CCDC149: variants seen among roughly 807,000 people sequenced by gnomAD.
CCDC149 encodes the protein coiled-coil domain-containing protein 149.
Under a neutral mutation model 59.9 loss-of-function variants are expected in CCDC149, and 45 were observed. The ratio of observed to expected loss-of-function variants is 0.75; its 90% CI spans 0.59 to 0.96. The LOEUF is 0.96. CCDC149 is among the 40% of genes least tolerant of loss of function. CCDC149 has a pLI of 0.00. For synonymous variants in CCDC149, 245 were observed against 260.6 expected (o/e 0.94, Z 0.58); for missense variants, 584 against 664.7 (o/e 0.88, Z 1.33).
upstream of CCDC149, among the ~76,000 whole-genome samples, chr4:24,915,738 G>T (rs918442137): frequency 6.6e-6 from 1 of 152,202 alleles, no homozygotes; most frequent in Non-Finnish European, 1.5e-5. Flanking sequence ...CATGCCCCAA[G>T]TGCCAGCTCA....
chr4:24,968,134 G>T (rs1017641321), intron 1 of CCDC149, among the ~76,000 whole-genome samples: 1 of 152,230 alleles, frequency 6.6e-6, no homozygotes, highest in African/African-American at 2.4e-5. Flanking sequence ...TCGTTGACCA[G>T]GGGCTCCCAT....
At chr4:24,824,111 C>G (rs960426301) in intron 9 of CCDC149, among the ~76,000 whole-genome samples, 1 of 152,172 alleles carries the variant, frequency 6.6e-6, no homozygotes, top group Non-Finnish European at 1.5e-5. Context: ...TTAACTCTTC[C>G]GTGGAGGTGG....
chr4:24,820,705 T>G (rs1019528901), intron 11 of CCDC149, among the ~76,000 whole-genome samples: 1 of 152,158 alleles, frequency 6.6e-6, no homozygotes, highest in African/African-American at 2.4e-5. Context: ...TGATTCTTCA[T>G]CATAACATCC....
intron 1 of CCDC149, among the ~76,000 whole-genome samples, chr4:24,955,696 T>C (rs562307859): frequency 1.3e-5 from 2 of 152,230 alleles, no homozygotes; most frequent in South Asian, 2.1e-4. Flanking sequence ...AGACAGAAAG[T>C]AGAAGGGTGG....
chr4:24,851,159 T>C (rs1029672916), intron 4 of CCDC149, among the ~76,000 whole-genome samples: 5 of 152,226 alleles, frequency 3.3e-5, no homozygotes, highest in South Asian at 2.1e-4. Flanking sequence ...TCAGAGAGCA[T>C]GCAGATCAGA....
chr4:24,969,860 G>T (rs187830069), intron 1 of CCDC149, among the ~76,000 whole-genome samples: 2 of 152,346 alleles, frequency 1.3e-5, no homozygotes, highest in African/African-American at 4.8e-5. Context: ...CCTTGGGGGA[G>T]GGCCTACAGT....
rs879714006 is a variant in CCDC149, at chr4:24,906,364, A to AATTTTATTTTATTTTT, written c.63+6452_63+6453insAAAAATAAAATAAAAT. On this transcript the variant is annotated intron_variant, in intron 1 of 12. Transcript: ENST00000635206. ...AGAGTAACTCAGGGGCAGCGGAACA[A>AATTTTATTTTATTTTT]ATTTTATTTTATTTTATTTTATTTT... Among the ~76,000 whole-genome samples the AATTTTATTTTATTTTT allele has an allele frequency of 7.1e-5, 3 of 42,028 alleles. 1 individual carries two copies. Among genetic ancestry groups the AATTTTATTTTATTTTT allele is most frequent in the African/African-American group, 2.7e-4 (3 of 10,970 alleles). 27.6% of individuals were successfully genotyped at this position (42,028 alleles called of 152,430 possible). A position where few individuals can be genotyped will look rare whatever the true frequency, so the allele number is the denominator to read the frequency against.
chr4:24,935,702 T>C (rs151247932), intron 1 of CCDC149, among the ~76,000 whole-genome samples: 1 of 152,250 alleles, frequency 6.6e-6, no homozygotes, highest in East Asian at 1.9e-4. Context: ...TCCCCAGAAC[T>C]GTGAGAAATA....
intron 3 of CCDC149, among the ~76,000 whole-genome samples, chr4:24,854,635 T>G (rs1717888748): frequency 6.6e-6 from 1 of 152,192 alleles, no homozygotes; most frequent in Admixed American, 6.5e-5. Flanking sequence ...GCTAATACTT[T>G]GGGGAATATG....
intron 1 of CCDC149, among the ~76,000 whole-genome samples, chr4:24,972,386 C>T (rs563177678): frequency 6.6e-6 from 1 of 151,806 alleles, no homozygotes; most frequent in Admixed American, 6.6e-5. Context: ...CAGCTCACTG[C>T]AGCCTCAACC....
intron 4 of CCDC149, among the ~76,000 whole-genome samples, chr4:24,842,770 C>T (rs1717017364): frequency 6.6e-6 from 1 of 152,184 alleles, no homozygotes; most frequent in East Asian, 1.9e-4. Context: ...CCAGGCCTCC[C>T]AAGTCAGAAT....
intron 1 of CCDC149, among the ~76,000 whole-genome samples, chr4:24,948,252 G>A (rs1312758096): frequency 6.6e-6 from 1 of 152,206 alleles, no homozygotes; most frequent in Admixed American, 6.5e-5. Context: ...TTGCCATCAG[G>A]TGACAAGGGT....
At chr4:24,818,360 C>T (rs1248143899) in intron 12 of CCDC149, among the ~76,000 whole-genome samples, 1 of 152,088 alleles carries the variant, frequency 6.6e-6, no homozygotes, top group Non-Finnish European at 1.5e-5. Flanking sequence ...TGTAACTCTG[C>T]AGATGGAACC....
chr4:24,945,913 G>A (rs1040660376), intron 1 of CCDC149, among the ~76,000 whole-genome samples: 6 of 152,162 alleles, frequency 3.9e-5, no homozygotes, highest in African/African-American at 1.2e-4. Context: ...GAGCCACCAT[G>A]CCTGGCAGCC....
chr4:24,851,858 C>T (rs79450387), intron 4 of CCDC149, among the ~76,000 whole-genome samples: 2,208 of 152,142 alleles, frequency 0.015, 49 homozygotes, highest in African/African-American at 0.05. Context: ...AAACCACGAG[C>T]GGCTGGATTA....
chr4:24,979,251 C>T (rs772288091), intron 1 of CCDC149, among the ~76,000 whole-genome samples: 6 of 152,202 alleles, frequency 3.9e-5, no homozygotes, highest in African/African-American at 4.8e-5. Context: ...GGGGTGTTAA[C>T]TTTCTGGTAT....
chr4:24,822,602 A>C, intron 9 of CCDC149, 29 bp from the exon 10 acceptor site: 2 of 1,477,112 alleles, frequency 1.4e-6, no homozygotes, highest in Non-Finnish European at 1.8e-6. Context: ...ATGACAATCA[A>C]TTACTGAGCA....
chr4:24,812,235 C>T (rs1236540979), intron 12 of CCDC149, among the ~76,000 whole-genome samples: 3 of 152,176 alleles, frequency 2.0e-5, no homozygotes, highest in African/African-American at 7.2e-5. Context: ...TCTTTGAGGG[C>T]CAATATTCAA....
intron 1 of CCDC149, among the ~76,000 whole-genome samples, chr4:24,893,170 T>C (rs1382653423): frequency 2.0e-5 from 3 of 152,198 alleles, no homozygotes; most frequent in Non-Finnish European, 1.5e-5. Flanking sequence ...CACTCTTGCC[T>C]ATGTCTTCCT....
Sources: allele counts gnomAD v4.1 joint callset (sites outside exome capture counted in the v4.1 genomes callset), GRCh38; gene constraint gnomAD v4.1.1; transcripts MANE v1.5; gene names NCBI Gene and HGNC (gene_info 2026-07-23, HGNC 2026-07-21).